ANKS1B: variants seen among roughly 807,000 people sequenced by gnomAD.
ANKS1B encodes the protein ankyrin repeat and sterile alpha motif domain-containing protein 1B.
Under a neutral mutation model 148.3 loss-of-function variants are expected in ANKS1B, and 36 were observed. The ratio of observed to expected loss-of-function variants is 0.24; its 90% confidence interval spans 0.19 to 0.32. ANKS1B has a LOEUF of 0.32. ANKS1B is among the 10% of genes least tolerant of loss of function. The pLI is 1.00. For synonymous variants in ANKS1B, 542 were observed against 560.8 expected (o/e 0.97, Z 0.47); for missense variants, 1,157 against 1,542.6 (o/e 0.75, Z 4.19).
At chr12:99,377,395 G>A (rs1163259617) in intron 12 of ANKS1B, among the ~76,000 whole-genome samples, 3 of 152,082 alleles carry the variant, frequency 2.0e-5, no homozygotes. Flanking sequence ...CTTTTGTGGG[G>A]CTAGCAGTAT....
chr12:98,736,646 G>T (rs982986706), intron 9 of ANKS1B, among the ~76,000 whole-genome samples: 5 of 152,138 alleles, frequency 3.3e-5, no homozygotes, highest in African/African-American at 4.8e-5. Flanking sequence ...CAGTGAAGTG[G>T]GTGTAGATAG....
chr12:99,555,426 T>C (rs1017376452), intron 9 of ANKS1B, among the ~76,000 whole-genome samples: 3 of 152,178 alleles, frequency 2.0e-5, no homozygotes, highest in Non-Finnish European at 4.4e-5. Flanking sequence ...TTGGATGCCT[T>C]TTATTTATTT....
At position 99,484,028 on chromosome 12, in the gene ANKS1B, T is replaced by G. The variant is rs2096453679; in HGVS notation, c.1438+20448A>C. Among the ~76,000 whole-genome samples, 4 of 152,168 alleles carry G rather than the reference T, an allele frequency of 2.6e-5. No individual in the cohort carries two copies. In the South Asian group the frequency reaches 8.3e-4, roughly 32 times the overall value. ...GCTTTGATCTTTGTTATCTTTTTTC[T>G]TCTGCTAGCTTTGGGTTTAGTTTGT... is the stretch of plus-strand genomic sequence containing the variant. On this transcript the variant is annotated intron_variant, in intron 10 of 26. Transcript: ENST00000683438.
chr12:98,750,243 C>A (rs1366885803), intron 26 of ANKS1B, among the ~76,000 whole-genome samples: 1 of 151,970 alleles, frequency 6.6e-6, no homozygotes, highest in Non-Finnish European at 1.5e-5. Context: ...GGAAGAAAGA[C>A]TTCAGAGGAG....
intron 17 of ANKS1B, among the ~76,000 whole-genome samples, chr12:98,948,775 C>CCA (rs1555530359): frequency 9.5e-5 from 14 of 147,508 alleles, no homozygotes; most frequent in Middle Eastern, 3.5e-3. Flanking sequence ...ACACCCCCCC[C>CCA]CACACACACA....
At position 99,775,576 on chromosome 12, in the gene ANKS1B, A is replaced by G. The variant is rs1601883770; in HGVS notation, c.933T>C (p.Pro311=). Residue 311 remains proline, a synonymous_variant, in exon 7 of 27, where the codon CCT becomes CCC. Transcript: ENST00000683438. ...DATQETHISS[P]VESPSQKTKS... ...TGGTCTTTTGGGAAGGAGACTCAAC[A>G]GGAGATGAAATGTGTGTTTCTTGTG... 1 of 1,613,294 alleles carries G rather than the reference A, an allele frequency of 6.2e-7. No homozygotes were observed. The highest frequency in any genetic ancestry group is 2.2e-5 in the East Asian group (1 of 44,844).
chr12:99,415,946 G>C (rs2094891561), intron 11 of ANKS1B, among the ~76,000 whole-genome samples: 1 of 152,060 alleles, frequency 6.6e-6, no homozygotes, highest in South Asian at 2.1e-4. Flanking sequence ...GCCTCCTAAA[G>C]TGCTGGAATT....
At chr12:99,517,148 A>G (rs79309513) in intron 9 of ANKS1B, among the ~76,000 whole-genome samples, 6,067 of 152,212 alleles carry the variant, frequency 0.04, 160 homozygotes, top group South Asian at 0.089. Context: ...ATCTATATAT[A>G]TGAAATATCT....
intron 14 of ANKS1B, among the ~76,000 whole-genome samples, chr12:99,202,261 T>C (rs535250715): frequency 2.0e-5 from 3 of 152,306 alleles, no homozygotes; most frequent in South Asian, 2.1e-4. Context: ...ACAGGACAAA[T>C]GCATAATTCT....
chr12:99,582,629 A>G (rs994742618), intron 9 of ANKS1B, among the ~76,000 whole-genome samples: 1 of 152,196 alleles, frequency 6.6e-6, no homozygotes, highest in Admixed American at 6.5e-5. Context: ...AATGAAGACA[A>G]CGCAATACTA....
intron 17 of ANKS1B, among the ~76,000 whole-genome samples, chr12:98,969,269 A>G (rs896872347): frequency 3.9e-5 from 6 of 152,290 alleles, no homozygotes; most frequent in African/African-American, 1.2e-4. Context: ...TGTCAAAGTG[A>G]TCTCCACAGG....
At chr12:99,168,248 G>A (rs1303380353) in intron 14 of ANKS1B, among the ~76,000 whole-genome samples, 1 of 152,200 alleles carries the variant, frequency 6.6e-6, no homozygotes, top group Non-Finnish European at 1.5e-5. Flanking sequence ...TGGGTGCAGT[G>A]GCTCACGCCT....
At chr12:98,952,555 T>G (rs1368231092) in intron 17 of ANKS1B, among the ~76,000 whole-genome samples, 1 of 152,218 alleles carries the variant, frequency 6.6e-6, no homozygotes, top group Non-Finnish European at 1.5e-5. Context: ...CCTGTCTGTC[T>G]GTGACCTTCT....
intron 10 of ANKS1B, among the ~76,000 whole-genome samples, chr12:99,452,364 A>G (rs2095757316): frequency 6.6e-6 from 1 of 152,200 alleles, no homozygotes; most frequent in Non-Finnish European, 1.5e-5. Flanking sequence ...TTCCATATTC[A>G]TATTATAGAT....
chr12:99,151,354 C>G (rs1457037954), intron 15 of ANKS1B, among the ~76,000 whole-genome samples: 2 of 151,920 alleles, frequency 1.3e-5, no homozygotes, highest in Non-Finnish European at 2.9e-5. Flanking sequence ...ATGGTGAAAC[C>G]CTGTCTCTAC....
intron 12 of ANKS1B, among the ~76,000 whole-genome samples, chr12:99,306,487 C>G (rs2082362615): frequency 6.6e-6 from 1 of 151,994 alleles, no homozygotes; most frequent in Non-Finnish European, 1.5e-5. Flanking sequence ...ATAAGCAACA[C>G]ATAAGGGTAT....
intron 8 of ANKS1B, among the ~76,000 whole-genome samples, chr12:99,661,522 T>C (rs1396036363): frequency 6.6e-6 from 1 of 152,166 alleles, no homozygotes; most frequent in Non-Finnish European, 1.5e-5. Flanking sequence ...ACCCGACCCT[T>C]GGTTTGGTCC....
At chr12:98,813,723 T>C (rs1439722887) in intron 19 of ANKS1B, among the ~76,000 whole-genome samples, 1 of 150,500 alleles carries the variant, frequency 6.6e-6, no homozygotes, top group Non-Finnish European at 1.5e-5. Context: ...CCCAGTTAAT[T>C]TTTGTTATTT....
intron 15 of ANKS1B, among the ~76,000 whole-genome samples, chr12:99,133,736 C>T (rs1300001586): frequency 6.6e-6 from 1 of 152,176 alleles, no homozygotes; most frequent in Non-Finnish European, 1.5e-5. Context: ...TTACTCCGGG[C>T]TGTCTCTTTG....
Sources: allele counts gnomAD v4.1 joint callset (sites outside exome capture counted in the v4.1 genomes callset), GRCh38; gene constraint gnomAD v4.1.1; transcripts MANE v1.5; gene names NCBI Gene and HGNC (gene_info 2026-07-23, HGNC 2026-07-21).